DAPK1: variants seen among roughly 807,000 people sequenced by gnomAD.
DAPK1 encodes the protein death-associated protein kinase 1.
Under a neutral mutation model 144.9 loss-of-function variants are expected in DAPK1, and 56 were observed. That is an observed-to-expected ratio of 0.39 (90% CI 0.31 to 0.48). The LOEUF (loss-of-function observed/expected upper bound fraction) is 0.48. Ranked by LOEUF, DAPK1 falls within the 20% of genes least tolerant of loss-of-function variation. The pLI is 0.95. For synonymous variants in DAPK1, 690 were observed against 749.0 expected (o/e 0.92, Z 1.29); for missense variants, 1,454 against 1,875.4 (o/e 0.78, Z 4.15).
chr9:87,566,084 G>C (rs11141891), intron 2 of DAPK1, among the ~76,000 whole-genome samples: 4,757 of 147,898 alleles, frequency 0.032, 257 homozygotes, highest in African/African-American at 0.11. Flanking sequence ...GCAGTGGCAC[G>C]ATCTTGGCTC....
Position 87,706,754 on chromosome 9 carries a change from C to T in DAPK1, c.3683C>T (p.Pro1228Leu). 6.2e-7 allele frequency: 1 copy of T among 1,613,508 alleles called. No individual in the cohort carries two copies. The highest frequency in any genetic ancestry group is 8.5e-7 in the Non-Finnish European group (1 of 1,179,860). Residue 1228 changes from proline to leucine, a missense_variant, in exon 26 of 26, where the codon CCA becomes CTA. Transcript: ENST00000408954. This position sits in a 1 kb window ranked among gnomAD's most constrained non-coding sequence, Gnocchi z 9.0. ...GAGAACGTCATGGCCACCACGCTGC[C>T]AGGGCTCCTGACCGTGAAGCATTAC... ...TIENVMATTL[P>L]GLLTVKHYLS...
chr9:87,585,751 G>A (rs1385235894), intron 2 of DAPK1, among the ~76,000 whole-genome samples: 1 of 152,112 alleles, frequency 6.6e-6, no homozygotes, highest in African/African-American at 2.4e-5. Context: ...TGTTTGACAT[G>A]ACAGCCACAG....
At position 87,706,836 on chromosome 9, in the gene DAPK1, G is replaced by A; in HGVS notation, c.3765G>A (p.Arg1255=). The change falls in exon 26 of 26, where the codon CGG becomes CGA. Residue 1255 remains arginine (R), a synonymous_variant. Transcript: ENST00000408954. The surrounding 1 kb of genome is among the most constrained non-coding windows in gnomAD (Gnocchi z 9.0). Reference sequence around the variant, plus strand: ...AGCCCGTCATGATCTACCAGCCACGGGACTTCTTCCGGGCACAGACTCTGA... The same window carrying A: ...AGCCCGTCATGATCTACCAGCCACGAGACTTCTTCCGGGCACAGACTCTGA... ...HHEPVMIYQP[R]DFFRAQTLKE... is the part of the protein sequence containing the mutation. 3 of 1,613,872 alleles carry A rather than the reference G, an allele frequency of 1.9e-6. No individual in the cohort carries two copies. The highest frequency in any genetic ancestry group is 2.5e-6 in the Non-Finnish European group (3 of 1,179,994).
intron 2 of DAPK1, among the ~76,000 whole-genome samples, chr9:87,539,333 G>T (rs1016491197): frequency 6.6e-6 from 1 of 151,748 alleles, no homozygotes; most frequent in Admixed American, 6.6e-5. Flanking sequence ...CCTTGGTGTC[G>T]CTTTCTGAGC....
chr9:87,665,353 C>T (rs1290820591), intron 18 of DAPK1, among the ~76,000 whole-genome samples: 2 of 152,188 alleles, frequency 1.3e-5, no homozygotes, highest in Non-Finnish European at 2.9e-5. Flanking sequence ...AAATGAATGG[C>T]ACCATAGTCC....
intron 2 of DAPK1, among the ~76,000 whole-genome samples, chr9:87,503,116 A>G (rs1824468647): frequency 6.6e-6 from 1 of 152,168 alleles, no homozygotes; most frequent in African/African-American, 2.4e-5. Flanking sequence ...TGTTGTTAGA[A>G]TTACAGACGT....
rs1825701533 is a variant in DAPK1, at chr9:87,708,019, T to C, written c.*655T>C. 2 of 312,164 alleles carry C rather than the reference T, an allele frequency of 6.4e-6. No homozygotes were observed. Among genetic ancestry groups the C allele is most frequent in the Middle Eastern group, 4.7e-4 (1 of 2,112 alleles). The allele number at this position is 312,164 out of a possible 1,614,324, so 19.3% of individuals were successfully genotyped here. On this transcript the variant is annotated 3_prime_UTR_variant, in exon 26 of 26. Coordinates refer to ENST00000408954, the MANE Select transcript of DAPK1 (RefSeq NM_004938.4). ...CGCCAGAGGTGCTTCACCCTGAGTT[T>C]TGTTTTGTATTGTTTTCTGACAGTT...
At position 87,674,438 on chromosome 9, in the gene DAPK1, C is replaced by T. The variant is rs1376203831; in HGVS notation, c.2001+5764C>T. On this transcript the variant is annotated intron_variant, in intron 19 of 25. Transcript: ENST00000408954. Reference sequence around the variant, plus strand: ...GCTGAGGCAGTAGAATCGCTTGAACCCAGGAGGTGGAGGTTGCAGTGCACT... The same window carrying T: ...GCTGAGGCAGTAGAATCGCTTGAACTCAGGAGGTGGAGGTTGCAGTGCACT... Among the ~76,000 whole-genome samples, 3 of 150,378 alleles carry T rather than the reference C, an allele frequency of 2.0e-5. No individual in the cohort carries two copies. In the East Asian group the frequency reaches 5.9e-4, roughly 29 times the overall value.
intron 3 of DAPK1, chr9:87,633,169 A>G: frequency 1.0e-6 from 1 of 983,408 alleles, no homozygotes; most frequent in Non-Finnish European, 1.2e-6. Flanking sequence ...GTATATATGT[A>G]GGGATGAAGG....
intron 2 of DAPK1, chr9:87,553,431 C>T (rs904443167): frequency 6.6e-6 from 1 of 152,006 alleles, no homozygotes; most frequent in Non-Finnish European, 1.5e-5. Flanking sequence ...CCCTGTATCC[C>T]AAGCCCTGAG....
rs1033272789 is a variant in DAPK1 at position 87,547,176 on chromosome 9, G to A, written c.62+48037G>A. ...TGTCCCAAAAAACAAAAAAATTGTA[G>A]AAGGCTTTGAAAACCCAACATAGTA... On this transcript the variant is annotated intron_variant, in intron 2 of 25. Coordinates refer to ENST00000408954, the MANE Select transcript of DAPK1 (RefSeq NM_004938.4). Among the ~76,000 whole-genome samples the A allele has an allele frequency of 2.0e-5, 3 of 152,134 alleles. No individual in the cohort carries two copies. In the South Asian group the frequency reaches 6.2e-4, roughly 32 times the overall value.
intron 2 of DAPK1, among the ~76,000 whole-genome samples, chr9:87,529,507 C>A (rs1825634188): frequency 6.6e-6 from 1 of 152,206 alleles, no homozygotes; most frequent in Admixed American, 6.5e-5. Flanking sequence ...TGAGCATCTA[C>A]AACAGTGCCT....
At chr9:87,660,559 G>T (rs768607509) in intron 18 of DAPK1, among the ~76,000 whole-genome samples, 1 of 151,948 alleles carries the variant, frequency 6.6e-6, no homozygotes. Flanking sequence ...GTGAAGTCAG[G>T]GTCTTCAGTG....
chr9:87,498,289 G>A (rs1273286660), intron 1 of DAPK1, among the ~76,000 whole-genome samples, 182 bp downstream of exon 1: 1 of 152,206 alleles, frequency 6.6e-6, no homozygotes, highest in Admixed American at 6.5e-5. Context: ...CCAGCCCCGC[G>A]GGCCGGGTGA....
At chr9:87,645,162 A>T (rs1409016990) in intron 11 of DAPK1, among the ~76,000 whole-genome samples, 1 of 152,188 alleles carries the variant, frequency 6.6e-6, no homozygotes, top group Non-Finnish European at 1.5e-5. Context: ...AATTTTGTTT[A>T]GGATTTTTCT....
At chr9:87,524,564 C>G (rs1349374374) in intron 2 of DAPK1, among the ~76,000 whole-genome samples, 1 of 152,238 alleles carries the variant, frequency 6.6e-6, no homozygotes, top group Non-Finnish European at 1.5e-5. Flanking sequence ...CAGCCAGGTC[C>G]TTTCACACCC....
chr9:87,541,081 C>T (rs566792961), intron 2 of DAPK1, among the ~76,000 whole-genome samples: 1 of 152,340 alleles, frequency 6.6e-6, no homozygotes, highest in South Asian at 2.1e-4. Context: ...ATTCTGTACA[C>T]ATTATCAAAA....
At chr9:87,536,161 G>A (rs775908855) in intron 2 of DAPK1, among the ~76,000 whole-genome samples, 1 of 152,152 alleles carries the variant, frequency 6.6e-6, no homozygotes, top group Non-Finnish European at 1.5e-5. Flanking sequence ...TGTCCTCAAA[G>A]CAGCCCCTTC....
At chr9:87,546,252 G>T (rs1394968639) in intron 2 of DAPK1, among the ~76,000 whole-genome samples, 2 of 152,168 alleles carry the variant, frequency 1.3e-5, no homozygotes, top group Non-Finnish European at 2.9e-5. Context: ...GTGATGCAAG[G>T]CCCCAAGAAG....
Sources: gnomAD v4.1 joint callset for allele counts (sites outside exome capture counted in the v4.1 genomes callset) on GRCh38, gnomAD v4.1.1 for gene constraint, Gnocchi (gnomAD v3.1) non-coding constraint, MANE v1.5 for transcripts, NCBI Gene and HGNC (gene_info 2026-07-23, HGNC 2026-07-21) for gene names.